Variants in SNRPN observed in about 807,000 individuals in gnomAD.
SNRPN encodes small nuclear ribonucleoprotein-associated protein N.
Under a neutral mutation model 25.2 loss-of-function variants are expected in SNRPN, and 7 were observed. The ratio of observed to expected loss-of-function variants is 0.28; its 90% CI spans 0.16 to 0.52. The LOEUF (loss-of-function observed/expected upper bound fraction) is 0.52, where lower values mean the gene tolerates loss of function less well. Ranked by LOEUF, SNRPN falls within the 20% of genes least tolerant of loss-of-function variation. The pLI, the probability that SNRPN is intolerant of heterozygous loss-of-function variation, is 0.96. For missense variants in SNRPN, 196 were observed against 322.5 expected, an observed-to-expected ratio of 0.61 and a Z score of 3.00; for synonymous variants, 124 against 110.6, an observed-to-expected ratio of 1.12 and a Z score of -0.76.
intron 2 of SNRPN, chr15:24,909,524 C>T (rs2059076542): frequency 2.0e-6 from 3 of 1,486,848 alleles, no homozygotes; most frequent in Non-Finnish European, 2.8e-6. Flanking sequence ...CAGGCCAGTA[C>T]AATATGCTGC....
intron 3 of SNRPN, among the ~76,000 whole-genome samples, chr15:24,922,367 T>C (rs1179587357): frequency 6.6e-6 from 1 of 152,242 alleles, no homozygotes; most frequent in Non-Finnish European, 1.5e-5. Flanking sequence ...TCAGGTCTAC[T>C]ACCTTGAACC....
intron 1 of SNRPN, among the ~76,000 whole-genome samples, chr15:24,880,129 C>T (rs1480438917): frequency 6.6e-6 from 1 of 152,196 alleles, no homozygotes; most frequent in Non-Finnish European, 1.5e-5. Flanking sequence ...GACCCACTGT[C>T]TTGGACCTAT....
intron 2 of SNRPN, among the ~76,000 whole-genome samples, chr15:24,840,933 C>G (rs891507881): frequency 6.6e-6 from 1 of 152,102 alleles, no homozygotes; most frequent in African/African-American, 2.4e-5. Flanking sequence ...CCTCCGCCTC[C>G]CAGGTTTAAG....
chr15:24,976,101 A>G (rs1347195499), intron 5 of SNRPN, among the ~76,000 whole-genome samples: 1 of 152,224 alleles, frequency 6.6e-6, no homozygotes, highest in African/African-American at 2.4e-5. Flanking sequence ...TCTGTAAAAG[A>G]CTAAAGTTAG....
chr15:24,913,501 G>A (rs1329932289), intron 2 of SNRPN, among the ~76,000 whole-genome samples: 1 of 152,090 alleles, frequency 6.6e-6, no homozygotes, highest in Non-Finnish European at 1.5e-5. Context: ...AAATTAGCCA[G>A]GCGTGGTGGC....
upstream of SNRPN, among the ~76,000 whole-genome samples, chr15:24,855,791 CAAAAAA>C (rs56081812): frequency 1.4e-5 from 1 of 71,992 alleles, no homozygotes; most frequent in Non-Finnish European, 2.6e-5. Context: ...GAATCTGTCT[CAAAAAA>C]AAAAAAAAAA....
intron 2 of SNRPN, among the ~76,000 whole-genome samples, chr15:24,843,081 G>GC (rs539647919): frequency 6.6e-6 from 1 of 151,168 alleles, no homozygotes; most frequent in East Asian, 1.9e-4. Context: ...AATTGTTTAT[G>GC]TTTTTTTTTA....
At position 24,967,365 on chromosome 15, in the gene SNRPN, C is replaced by T. The variant is rs187074641; in HGVS notation, c.-294-567C>T. On this transcript the variant is annotated intron_variant, in intron 2 of 9. Transcript: ENST00000390687. ...CTAAAGAAAGATCTTCTTCCCTGGG[C>T]GTGGTGGCTCACGCTTGTAATCCCA... 55 of 155,314 alleles carry T rather than the reference C, an allele frequency of 3.5e-4. 1 individual carries two copies. The East Asian group carries it at 9.9e-3, about 28-fold the overall frequency. The allele number at this position is 155,314 out of a possible 1,614,324, so 9.6% of individuals were successfully genotyped here.
At chr15:24,869,144 C>CA (rs943083881) in intron 1 of SNRPN, among the ~76,000 whole-genome samples, 11 of 151,438 alleles carry the variant, frequency 7.3e-5, no homozygotes, top group African/African-American at 2.4e-4. Flanking sequence ...TACCGTGTCT[C>CA]AAAAAAAATG....
chr15:24,921,071 AC>A (rs1178953644), intron 3 of SNRPN: 1 of 152,152 alleles, frequency 6.6e-6, no homozygotes, highest in African/African-American at 2.4e-5. Context: ...CTGGTGTAAT[AC>A]AAATTCTGGA....
At chr15:24,964,963 TGGG>T (rs1300652609) in intron 2 of SNRPN, among the ~76,000 whole-genome samples, 7 of 152,310 alleles carry the variant, frequency 4.6e-5, no homozygotes, top group African/African-American at 1.2e-4. Context: ...GGTCTTGAGT[TGGG>T]GGAATGATCT....
At chr15:24,975,621 TAGAGCC>T (rs914066711) in intron 5 of SNRPN, 112 bp downstream of exon 5, 37 of 834,484 alleles carry the variant, frequency 4.4e-5, no homozygotes, top group Non-Finnish European at 5.1e-5. Context: ...GAAACTATGG[TAGAGCC>T]AGTCTATTGT....
intron 2 of SNRPN, among the ~76,000 whole-genome samples, chr15:24,847,789 T>A (rs1266626855): frequency 6.6e-6 from 1 of 152,198 alleles, no homozygotes; most frequent in Non-Finnish European, 1.5e-5. Flanking sequence ...ATTATGCTAA[T>A]TGATTTACAA....
At chr15:24,833,104 CAAAAAAAAAAAAA>C (rs10696281) in intron 2 of SNRPN, among the ~76,000 whole-genome samples, 3 of 61,772 alleles carry the variant, frequency 4.9e-5, no homozygotes, top group Admixed American at 5.3e-4. Flanking sequence ...GACTCTGTCT[CAAAAAAAAAAAAA>C]AAAAAAAAAA....
chr15:24,875,851 C>T (rs957938297), intron 1 of SNRPN, among the ~76,000 whole-genome samples: 14 of 151,936 alleles, frequency 9.2e-5, no homozygotes, highest in African/African-American at 2.9e-4. Flanking sequence ...GTCAGGTGTT[C>T]GAGACCAGCC....
At chr15:24,905,686 A>C (rs2058755704) in intron 2 of SNRPN, among the ~76,000 whole-genome samples, 1 of 152,186 alleles carries the variant, frequency 6.6e-6, no homozygotes, top group Non-Finnish European at 1.5e-5. Flanking sequence ...AGCTTAGTTT[A>C]GCGAAAATAA....
chr15:24,858,907 G>T (rs183670068), intron 1 of SNRPN, among the ~76,000 whole-genome samples: 1 of 149,176 alleles, frequency 6.7e-6, no homozygotes, highest in African/African-American at 2.5e-5. Context: ...TGCCTTTGTT[G>T]CATGCCCGGA....
intron 1 of SNRPN, among the ~76,000 whole-genome samples, chr15:24,959,839 A>G (rs1246103545): frequency 2.0e-5 from 3 of 152,240 alleles, no homozygotes; most frequent in Admixed American, 1.3e-4. Context: ...AGGAACACGT[A>G]TAATACGTTT....
At chr15:24,923,953 T>G (rs1595932276) in intron 3 of SNRPN, among the ~76,000 whole-genome samples, 1 of 115,020 alleles carries the variant, frequency 8.7e-6, no homozygotes, top group African/African-American at 3.4e-5. Context: ...TTTTTTGAGA[T>G]GGAGTCTCAC....
Sources: gnomAD v4.1 joint callset for allele counts (sites outside exome capture counted in the v4.1 genomes callset) on GRCh38, gnomAD v4.1.1 for gene constraint, MANE v1.5 for transcripts, NCBI Gene and HGNC (gene_info 2026-07-23, HGNC 2026-07-21) for gene names.